TNPO3: variants seen among roughly 807,000 people sequenced by gnomAD.
TNPO3 encodes transportin-3.
In TNPO3, 65 loss-of-function variants were observed where a neutral mutation model predicts 122.8. The observed-to-expected ratio is 0.53, with a 90% CI of 0.43 to 0.65. The LOEUF (loss-of-function observed/expected upper bound fraction) is 0.65. TNPO3 is among the 30% of genes least tolerant of loss of function. TNPO3 has a pLI of 0.00. For missense variants in TNPO3, 850 were observed against 1,136.7 expected (o/e 0.75, Z 3.63); for synonymous variants, 372 against 411.2 (o/e 0.90, Z 1.15).
Position 128,975,805 on chromosome 7 carries a change from C to A in TNPO3, c.2178+14G>T. On this transcript the variant is annotated intron_variant, in intron 17 of 22. Transcript: ENST00000265388. ...CTAGGCCTGATGCGTCTACACTCCT[C>A]ATGGAAAAGATACCTGGAGCATGTC... 1 of 1,569,008 alleles carries A rather than the reference C, an allele frequency of 6.4e-7. No individual in the cohort carries two copies.
chr7:129,051,798 C>G (rs1808808356), intron 1 of TNPO3, among the ~76,000 whole-genome samples: 1 of 152,184 alleles, frequency 6.6e-6, no homozygotes, highest in South Asian at 2.1e-4. Context: ...TGCGCACCAC[C>G]ACGCCCAGCT....
chr7:129,001,702 T>C (rs1368754793), intron 5 of TNPO3, among the ~76,000 whole-genome samples: 1 of 152,224 alleles, frequency 6.6e-6, no homozygotes, highest in Non-Finnish European at 1.5e-5. Context: ...AGTCAAGTCA[T>C]AGCCTTCCAT....
chr7:129,043,520 A>C (rs1402085240), intron 1 of TNPO3, among the ~76,000 whole-genome samples: 1 of 152,250 alleles, frequency 6.6e-6, no homozygotes, highest in Non-Finnish European at 1.5e-5. Flanking sequence ...TGAGACAAGC[A>C]TTTTTAAATA....
rs1322285642 is a variant in TNPO3, at chr7:128,982,475, G to A, written c.1783-151C>T. The A allele has an allele frequency of 1.4e-5, 8 of 557,258 alleles. No homozygotes were observed. The Admixed American group carries it at 2.9e-4, about 20-fold the overall frequency. 34.5% of individuals were successfully genotyped at this position (557,258 alleles called of 1,614,324 possible). A position where few individuals can be genotyped will look rare whatever the true frequency, so the allele number is the denominator to read the frequency against. ...TAAACTCCTAAAAGTTACTCAAATG[G>A]CGCAAATTTTAATTTATATTGTCAA... On this transcript the variant is annotated intron_variant, in intron 13 of 22. Transcript: ENST00000265388.
At chr7:128,998,274 C>T (rs1202195635) in intron 7 of TNPO3, among the ~76,000 whole-genome samples, 1 of 152,056 alleles carries the variant, frequency 6.6e-6, no homozygotes, top group East Asian at 2.0e-4. Flanking sequence ...GTTGGAGGAT[C>T]ACCTGAGCCC....
At chr7:129,039,954 T>C (rs1356918105) in intron 1 of TNPO3, among the ~76,000 whole-genome samples, 2 of 152,106 alleles carry the variant, frequency 1.3e-5, no homozygotes, top group African/African-American at 2.4e-5. Flanking sequence ...GGTCTCTTTC[T>C]GGTATGATGA....
At chr7:128,987,876 G>A (rs1016089721) in intron 11 of TNPO3, among the ~76,000 whole-genome samples, 2 of 151,818 alleles carry the variant, frequency 1.3e-5, no homozygotes, top group Non-Finnish European at 2.9e-5. Flanking sequence ...ACCACGCCTG[G>A]GCAAAAAACC....
chr7:128,993,990 G>A lies in TNPO3; in HGVS notation c.1159-76C>T. 5.3e-6 allele frequency: 7 copies of A among 1,327,366 alleles called. No homozygotes were observed. The Admixed American group carries it at 6.6e-5, about 13-fold the overall frequency. The allele number at this position is 1,327,366 out of a possible 1,614,324, so 82.2% of individuals were successfully genotyped here. A position where few individuals can be genotyped will look rare whatever the true frequency, so the allele number is the denominator to read the frequency against. ...ATGACCTCTATAAAATCAAGAAGAAGAAAAAAACCATTAAGCAGTCAAGTT... is the reference window on the plus strand; with the variant it reads ...ATGACCTCTATAAAATCAAGAAGAAAAAAAAAACCATTAAGCAGTCAAGTT... On this transcript the variant is annotated intron_variant, in intron 8 of 22. Coordinates refer to ENST00000265388, the MANE Select transcript of TNPO3 (RefSeq NM_012470.4).
chr7:129,054,233 A>T (rs1214129754), intron 1 of TNPO3, among the ~76,000 whole-genome samples: 1 of 152,196 alleles, frequency 6.6e-6, no homozygotes, highest in Non-Finnish European at 1.5e-5. Context: ...GACTGGGAGC[A>T]AAATGCCAGA....
chr7:129,021,672 A>G (rs116213700), intron 1 of TNPO3, among the ~76,000 whole-genome samples: 402 of 152,326 alleles, frequency 2.6e-3, no homozygotes, highest in African/African-American at 9.2e-3. Flanking sequence ...AAGAGAAAAT[A>G]AGCAGAGTAA....
rs545907308 is a variant in TNPO3 at position 128,996,660 on chromosome 7, G to A, written c.1158+729C>T. 2.1e-4 allele frequency among the ~76,000 whole-genome samples: 32 copies of A among 150,114 alleles called. No homozygotes were observed. In the East Asian group the frequency reaches 4.4e-3, roughly 21 times the overall value. ...CGGGAGGCTGAGACAGGAGAATGGC[G>A]TGAACCCAGGAGGCAGAGTTTGCAG... On this transcript the variant is annotated intron_variant, in intron 8 of 22. Coordinates refer to ENST00000265388, the MANE Select transcript of TNPO3 (RefSeq NM_012470.4).
intron 1 of TNPO3, among the ~76,000 whole-genome samples, chr7:129,035,225 G>T (rs1418332400): frequency 2.0e-5 from 3 of 151,668 alleles, no homozygotes; most frequent in Non-Finnish European, 1.5e-5. Flanking sequence ...AGTGAGCCGA[G>T]ATAGAGCCAC....
chr7:128,967,026 C>G (rs1797988926), intron 21 of TNPO3, among the ~76,000 whole-genome samples: 1 of 152,160 alleles, frequency 6.6e-6, no homozygotes, highest in Admixed American at 6.5e-5. Context: ...CTGCTCAGTG[C>G]ATTTTCCTTT....
At chr7:128,989,173 CTCTT>C (rs1322923060) in intron 11 of TNPO3, among the ~76,000 whole-genome samples, 1 of 152,146 alleles carries the variant, frequency 6.6e-6, no homozygotes, top group African/African-American at 2.4e-5. Flanking sequence ...AACACATTCA[CTCTT>C]TTTAGCATGT....
Position 129,050,118 on chromosome 7 carries a change from T to C in TNPO3, c.120+4533A>G, listed in dbSNP as rs141506534. Among the ~76,000 whole-genome samples the C allele has an allele frequency of 6.5e-3, 985 of 152,094 alleles. 10 individuals carry two copies. The highest frequency in any genetic ancestry group is 0.023 in the African/African-American group (940 of 41,506). On this transcript the variant is annotated intron_variant, in intron 1 of 22. Transcript: ENST00000265388. ...GGTGGGGTGGGCTGGGCGCAGTCAC[T>C]CATGCCTGTAATCCCAGCACTTTGG...
intron 22 of TNPO3, 45 bp downstream of exon 22, chr7:128,957,179 A>C: frequency 6.5e-7 from 1 of 1,539,362 alleles, no homozygotes; most frequent in African/African-American, 1.4e-5. Flanking sequence ...GGCATCCCCA[A>C]CAGTCCGACA....
At chr7:128,970,944 T>C (rs919961316) in intron 19 of TNPO3, 1 of 151,678 alleles carries the variant, frequency 6.6e-6, no homozygotes, top group African/African-American at 2.4e-5. Flanking sequence ...AGAAACAGAG[T>C]GGGTCAAAAT....
At chr7:128,961,715 G>A (rs940990173) in intron 21 of TNPO3, among the ~76,000 whole-genome samples, 7 of 151,912 alleles carry the variant, frequency 4.6e-5, no homozygotes, top group African/African-American at 9.7e-5. Flanking sequence ...ACTATTTCTC[G>A]AGCCCCATAA....
At chr7:129,025,350 C>CAAAAAAAAAAAAAAAAAAA (rs71162548) in intron 1 of TNPO3, among the ~76,000 whole-genome samples, 1 of 20,718 alleles carries the variant, frequency 4.8e-5, no homozygotes, top group Non-Finnish European at 8.4e-5. Flanking sequence ...AACTCTGTCA[C>CAAAAAAAAAAAAAAAAAAA]AAAAAAAAAA....
Sources: allele counts gnomAD v4.1 joint callset (sites outside exome capture counted in the v4.1 genomes callset), GRCh38; gene constraint gnomAD v4.1.1; transcripts MANE v1.5; gene names NCBI Gene and HGNC (gene_info 2026-07-23, HGNC 2026-07-21).